Variants in POC1B observed in about 807,000 individuals in gnomAD.
POC1B encodes the protein POC1 centriolar protein homolog B.
A neutral mutation model predicts 60.6 loss-of-function variants in POC1B; 44 were observed. The ratio of observed to expected loss-of-function variants is 0.73; its 90% CI spans 0.57 to 0.93. The LOEUF is 0.93. POC1B is among the 40% of genes least tolerant of loss of function. The pLI is 0.00. For missense variants in POC1B, 555 were observed against 572.3 expected (o/e 0.97, Z 0.31); for synonymous variants, 180 against 198.9 (o/e 0.90, Z 0.80).
At chr12:89,468,887 C>CA (rs34619938) in intron 7 of POC1B, among the ~76,000 whole-genome samples, 5 of 149,630 alleles carry the variant, frequency 3.3e-5, no homozygotes, top group Admixed American at 1.3e-4. Flanking sequence ...GGAAGTACCT[C>CA]AAAAAAAAAA....
intron 2 of POC1B, chr12:89,500,219 G>A: frequency 6.3e-7 from 1 of 1,589,876 alleles, no homozygotes; most frequent in Non-Finnish European, 8.6e-7. Context: ...AGACTGTTTT[G>A]AAGAAAAAAG....
chr12:89,512,452 T>C (rs10777178), intron 2 of POC1B, among the ~76,000 whole-genome samples: 106,844 of 150,776 alleles, frequency 0.71, 37,669 homozygotes, highest in South Asian at 0.8. Flanking sequence ...GGGCCTAGTA[T>C]TTTTCAATAC....
At chr12:89,444,249 AT>A in intron 10 of POC1B, among the ~76,000 whole-genome samples, 1 of 152,208 alleles carries the variant, frequency 6.6e-6, no homozygotes, top group Non-Finnish European at 1.5e-5. Context: ...TCCCTAACTC[AT>A]TTTATGAGGA....
chr12:89,433,659 G>C (rs986741195), intron 10 of POC1B, among the ~76,000 whole-genome samples: 1 of 152,190 alleles, frequency 6.6e-6, no homozygotes, highest in East Asian at 1.9e-4. Flanking sequence ...TGGGGCTGAC[G>C]AATTACCAAA....
the POC1B span, among the ~76,000 whole-genome samples, chr12:89,409,960 C>T: frequency 6.6e-6 from 1 of 152,186 alleles, no homozygotes; most frequent in East Asian, 1.9e-4. Context: ...TTTTATGAGG[C>T]CAGCATCATC....
chr12:89,476,685 T>A (rs1883116122), intron 4 of POC1B, among the ~76,000 whole-genome samples: 1 of 149,452 alleles, frequency 6.7e-6, no homozygotes, highest in East Asian at 2.1e-4. Context: ...GGTGACAAAG[T>A]GAGACTGTCT....
At chr12:89,523,145 C>T in intron 2 of POC1B, 1 of 1,613,738 alleles carries the variant, frequency 6.2e-7, no homozygotes, top group Non-Finnish European at 8.5e-7. Context: ...AGGTTAGCAC[C>T]TGTGGGGTTG....
At chr12:89,524,115 G>A (rs557300871) in intron 2 of POC1B, 15 of 1,613,874 alleles carry the variant, frequency 9.3e-6, no homozygotes, top group Admixed American at 1.7e-5. Flanking sequence ...ACCAGGCTTC[G>A]TTATAGAAAG....
At chr12:89,500,423 G>C (rs1869497224) in intron 2 of POC1B, 1 of 1,533,910 alleles carries the variant, frequency 6.5e-7, no homozygotes, top group Non-Finnish European at 9.0e-7. Context: ...CAACAGATCA[G>C]TTCAGGCCCA....
chr12:89,493,450 G>T (rs964084916), intron 3 of POC1B, among the ~76,000 whole-genome samples: 1 of 152,200 alleles, frequency 6.6e-6, no homozygotes, highest in African/African-American at 2.4e-5. Context: ...CCTTCCAGTG[G>T]TCTGTAGGGA....
chr12:89,455,541 T>G (rs1052299248), intron 10 of POC1B, among the ~76,000 whole-genome samples: 1 of 152,182 alleles, frequency 6.6e-6, no homozygotes, highest in Non-Finnish European at 1.5e-5. Flanking sequence ...GGCTAGGTTG[T>G]TTGTTTCTTG....
chr12:89,471,282 T>G (rs1555182961), intron 6 of POC1B, among the ~76,000 whole-genome samples: 1 of 152,252 alleles, frequency 6.6e-6, no homozygotes, highest in Non-Finnish European at 1.5e-5. Flanking sequence ...AACACCTATT[T>G]GTGCTCACGT....
Position 89,459,697 on chromosome 12 carries a change from T to C in POC1B, c.1054A>G (p.Ile352Val). 6.5e-7 allele frequency: 1 copy of C among 1,545,756 alleles called. No homozygotes were observed. ...GGGGGAGTAGAGATCTGCAAATCGA[T>C]TACCTCAAGCTTTGGATTAATCTGT... ...TVEINPKLEV[I>V]DLQISTPPVM... is the part of the protein sequence containing the mutation. Residue 352 changes from isoleucine to valine, a missense_variant, in exon 10 of 12, where the codon ATC becomes GTC. By Grantham distance (29) the Ile-to-Val change is conservative. Transcript: ENST00000313546.
At chr12:89,447,986 TAA>T (rs1044610368) in intron 10 of POC1B, among the ~76,000 whole-genome samples, 31 of 151,672 alleles carry the variant, frequency 2.0e-4, no homozygotes, top group South Asian at 6.3e-4. Flanking sequence ...TGAGGAACAC[TAA>T]GAGAGAGAGA....
At chr12:89,522,962 T>C (rs753203217) in intron 2 of POC1B, 5 of 1,613,950 alleles carry the variant, frequency 3.1e-6, no homozygotes, top group African/African-American at 1.3e-5. Context: ...AAATGCCAAA[T>C]AATGTTTGCT....
At chr12:89,426,512 AT>A (rs1429011196) in intron 10 of POC1B, 3 of 152,224 alleles carry the variant, frequency 2.0e-5, no homozygotes, top group African/African-American at 7.2e-5. Context: ...AGCATAAAAA[AT>A]ATTTATGAAA....
intron 4 of POC1B, among the ~76,000 whole-genome samples, chr12:89,487,238 G>A (rs1389411400): frequency 6.6e-6 from 1 of 152,158 alleles, no homozygotes; most frequent in Non-Finnish European, 1.5e-5. Flanking sequence ...ACTGGAGATA[G>A]GGCCACTCCT....
At chr12:89,455,238 G>A (rs1420241287) in intron 10 of POC1B, among the ~76,000 whole-genome samples, 3 of 152,164 alleles carry the variant, frequency 2.0e-5, no homozygotes, top group Middle Eastern at 3.2e-3. Flanking sequence ...AGGAAGCTGA[G>A]GCAGGAGAAT....
chr12:89,416,159 T>C (rs1279150136), downstream of POC1B, among the ~76,000 whole-genome samples: 1 of 152,156 alleles, frequency 6.6e-6, no homozygotes, highest in Non-Finnish European at 1.5e-5. Context: ...CGCCTGCCTT[T>C]TGGGTAGGTT....
Sources: gnomAD v4.1 joint callset for allele counts (sites outside exome capture counted in the v4.1 genomes callset) on GRCh38, gnomAD v4.1.1 for gene constraint, MANE v1.5 for transcripts, NCBI Gene and HGNC (gene_info 2026-07-23, HGNC 2026-07-21) for gene names.